RIPOR2: variants seen among roughly 807,000 people sequenced by gnomAD.
RIPOR2 encodes the protein RHO family interacting cell polarization regulator 2.
In RIPOR2, 39 loss-of-function variants were observed where a neutral mutation model predicts 114.5. The ratio of observed to expected loss-of-function variants is 0.34; its 90% CI spans 0.26 to 0.44. The LOEUF is 0.44. Among genes scored for constraint, RIPOR2 ranks in the 20% least tolerant of loss-of-function variants. The pLI is 1.00. For synonymous variants in RIPOR2, 445 were observed against 484.4 expected, an observed-to-expected ratio of 0.92 and a Z score of 1.07; for missense variants, 1,007 against 1,255.1, an observed-to-expected ratio of 0.80 and a Z score of 2.99.
intron 15 of RIPOR2, among the ~76,000 whole-genome samples, chr6:24,834,225 A>C (rs1007164667): frequency 5.9e-5 from 9 of 152,208 alleles, no homozygotes; most frequent in African/African-American, 1.9e-4. Flanking sequence ...TATAATTGCC[A>C]ACCAGTCTCC....
intron 1 of RIPOR2, chr6:25,024,328 G>C (rs1172712457): frequency 6.8e-7 from 1 of 1,477,494 alleles, no homozygotes; most frequent in Non-Finnish European, 9.4e-7. Context: ...CCAAGTTTCA[G>C]TGCCTTCTTC....
intron 1 of RIPOR2, among the ~76,000 whole-genome samples, chr6:25,013,915 T>G (rs1302530006): frequency 1.3e-5 from 2 of 152,140 alleles, no homozygotes; most frequent in Non-Finnish European, 2.9e-5. Flanking sequence ...TTTAAAAGAT[T>G]ATGGAGTGAG....
chr6:25,021,232 TGAG>T (rs1776303694), intron 1 of RIPOR2, among the ~76,000 whole-genome samples: 1 of 151,974 alleles, frequency 6.6e-6, no homozygotes, highest in Non-Finnish European at 1.5e-5. Context: ...AGAACTGAGA[TGAG>T]GAGGAGGCAG....
intron 7 of RIPOR2, 80 bp from the exon 8 acceptor site, chr6:24,861,116 A>G (rs1764031257): frequency 6.9e-6 from 6 of 868,362 alleles, no homozygotes; most frequent in Non-Finnish European, 1.1e-5. Context: ...GAACAGCAGC[A>G]CAACCACTGC....
intron 9 of RIPOR2, among the ~76,000 whole-genome samples, chr6:24,852,087 C>T (rs1411266755): frequency 1.3e-5 from 2 of 151,862 alleles, no homozygotes; most frequent in Non-Finnish European, 1.5e-5. Context: ...TGGTGAAACC[C>T]CATCTCTACT....
rs184359844 is a variant in RIPOR2, at chr6:24,994,697, C to T, written c.76+47154G>A. Among the ~76,000 whole-genome samples, 7 of 152,134 alleles carry T rather than the reference C, an allele frequency of 4.6e-5. No homozygotes were observed. In the East Asian group the frequency reaches 1.4e-3, roughly 29 times the overall value. On this transcript the variant is annotated intron_variant, in intron 1 of 13. Coordinates refer to the RIPOR2 transcript ENST00000510784. ...TAAGGCAAAGTTTTGGGTTCTGAAACCTGGGGTGGAACAATGTTCCCTGGC... is the reference window on the plus strand; with the variant it reads ...TAAGGCAAAGTTTTGGGTTCTGAAATCTGGGGTGGAACAATGTTCCCTGGC...
upstream of RIPOR2, among the ~76,000 whole-genome samples, chr6:24,937,023 C>T (rs776611470): frequency 6.6e-6 from 1 of 152,148 alleles, no homozygotes; most frequent in Admixed American, 6.5e-5. Flanking sequence ...CATTTTCTCC[C>T]AGAAGAGACT....
chr6:24,893,180 A>C (rs1311763856), intron 1 of RIPOR2, among the ~76,000 whole-genome samples: 12 of 152,334 alleles, frequency 7.9e-5, no homozygotes, highest in African/African-American at 2.9e-4. Flanking sequence ...TAATCTTGCC[A>C]ATTTTTGTAA....
intron 1 of RIPOR2, among the ~76,000 whole-genome samples, chr6:25,014,687 C>T (rs866553590): frequency 4.6e-5 from 7 of 152,140 alleles, no homozygotes; most frequent in Non-Finnish European, 8.8e-5. Flanking sequence ...GCAGATACAG[C>T]AGTAGTGGGA....
intron 1 of RIPOR2, among the ~76,000 whole-genome samples, chr6:25,003,273 T>C (rs1053266413): frequency 5.3e-5 from 8 of 152,108 alleles, no homozygotes; most frequent in African/African-American, 1.9e-4. Flanking sequence ...ATATTTTGAC[T>C]TCAGCCTTTG....
chr6:25,019,627 A>G (rs2113707157), intron 1 of RIPOR2, among the ~76,000 whole-genome samples: 1 of 151,604 alleles, frequency 6.6e-6, no homozygotes, highest in East Asian at 1.9e-4. Flanking sequence ...ACAAAAAGTT[A>G]GCCGGGCGTG....
At chr6:24,860,694 C>G (rs1763987889) in intron 8 of RIPOR2, among the ~76,000 whole-genome samples, 1 of 152,150 alleles carries the variant, frequency 6.6e-6, no homozygotes, top group Admixed American at 6.5e-5. Context: ...GTGGCAAAAT[C>G]TTGCTAATTA....
rs1229173541 is a variant in RIPOR2, at chr6:24,825,393, C to T, written c.2701G>A (p.Glu901Lys). The T allele has an allele frequency of 6.4e-7, 1 of 1,552,186 alleles. No individual in the cohort carries two copies. Among genetic ancestry groups the T allele is most frequent in the East Asian group, 2.4e-5 (1 of 40,928 alleles). The change falls in exon 19 of 22, where the codon GAA becomes AAA. Residue 901 changes from glutamate to lysine, a missense_variant. Transcript: ENST00000643898. ...TCACTCATGGTTTGTAGCAGTTTTT[C>T]ATCTCTTAGTGATTGCAGAGTCTGA... ...MVQTLQSLRD[E>K]KLLQTMSDLA...
chr6:25,030,341 G>A (rs1449379022), intron 1 of RIPOR2, among the ~76,000 whole-genome samples: 1 of 152,130 alleles, frequency 6.6e-6, no homozygotes, highest in Non-Finnish European at 1.5e-5. Context: ...GGTGGAGTGG[G>A]ATTCAGAGGG....
At chr6:24,960,923 G>A (rs1455690224) in intron 1 of RIPOR2, among the ~76,000 whole-genome samples, 1 of 152,168 alleles carries the variant, frequency 6.6e-6, no homozygotes, top group East Asian at 1.9e-4. Context: ...ATACGAGTGA[G>A]GGGTGGAATG....
At chr6:24,810,950 G>A (rs1224911837) in intron 20 of RIPOR2, among the ~76,000 whole-genome samples, 2 of 152,044 alleles carry the variant, frequency 1.3e-5, no homozygotes, top group African/African-American at 4.8e-5. Flanking sequence ...GATTACAGGT[G>A]TGCGCCACCA....
chr6:24,850,764 C>T (rs374074436), intron 9 of RIPOR2, 42 bp from the exon 10 acceptor site: 3 of 1,610,320 alleles, frequency 1.9e-6, no homozygotes, highest in African/African-American at 2.7e-5. Context: ...CTTGCCACCC[C>T]CTCTTCTCCA....
In RIPOR2 at chr6:24,839,191, T is replaced by G. The variant is rs765086624; in HGVS notation, c.1939A>C (p.Asn647His). 3.6e-5 allele frequency: 56 copies of G among 1,551,654 alleles called. No individual in the cohort carries two copies. The South Asian group carries it at 6.4e-4, about 18-fold the overall frequency. ...TCCTCCTCGTCAAAATCAGAGGTGT[T>G]CAGGAAATCAAAGCTTTCTAAAGCA... ...ESALESFDFL[N>H]TSDFDEEEDG... is the part of the protein sequence containing the mutation. Residue 647 changes from asparagine to histidine, a missense_variant, in exon 14 of 22, where the codon AAC (asparagine) becomes CAC (histidine). Physicochemically the swap from Asn to His is moderately conservative, Grantham distance 68. Transcript: ENST00000643898.
At position 24,872,893 on chromosome 6, in the gene RIPOR2, T is replaced by G; in HGVS notation, c.411A>C (p.Arg137Ser). 1 of 1,609,726 alleles carries G rather than the reference T, an allele frequency of 6.2e-7. No homozygotes were observed. Among genetic ancestry groups the G allele is most frequent in the South Asian group, 1.1e-5 (1 of 91,006 alleles). The part of the protein sequence containing the change: ...KLTAQLKDMK[R>S]NSRLGVLYDL... ...GCATAGTACCTACCAGGCGAGAGTTTCTTTTCATATCTTTTAACTGAGCTG... is the reference window on the plus strand; with the variant it reads ...GCATAGTACCTACCAGGCGAGAGTTGCTTTTCATATCTTTTAACTGAGCTG... Residue 137 changes from arginine to serine, a missense_variant, in exon 4 of 22, where the codon AGA becomes AGC. Arg to Ser is a moderately radical substitution (Grantham distance 110, BLOSUM62 -1). Transcript: ENST00000643898.
Sources: gnomAD v4.1 joint callset for allele counts (sites outside exome capture counted in the v4.1 genomes callset) on GRCh38, gnomAD v4.1.1 for gene constraint, MANE v1.5 for transcripts, NCBI Gene and HGNC (gene_info 2026-07-23, HGNC 2026-07-21) for gene names.